The following ATP8A1 variants were observed in gnomAD, a reference collection of about 807,000 sequenced individuals.
The protein encoded by ATP8A1 is ATPase phospholipid transporting 8A1.
ATP8A1 carries 90 observed loss-of-function variants against 177.7 expected under a neutral mutation model. That is an observed-to-expected ratio of 0.51 (90% confidence interval 0.43 to 0.60). ATP8A1 has a LOEUF of 0.60. Ranked by LOEUF, ATP8A1 falls within the 20% of genes least tolerant of loss-of-function variation. The pLI is 0.00. For missense variants in ATP8A1, 1,072 were observed against 1,392.8 expected, an observed-to-expected ratio of 0.77 and a Z score of 3.67; for synonymous variants, 493 against 485.9, an observed-to-expected ratio of 1.01 and a Z score of -0.19.
At position 42,409,527 on chromosome 4, in the gene ATP8A1, G is replaced by A. The variant is rs1175651054; in HGVS notation, c.*3389C>T. 2.0e-5 allele frequency: 3 copies of A among 152,116 alleles called. No individual in the cohort carries two copies. Among genetic ancestry groups the A allele is most frequent in the Non-Finnish European group, 4.4e-5 (3 of 67,982 alleles). The allele number at this position is 152,116 out of a possible 1,614,324, so 9.4% of individuals were successfully genotyped here. ...AAAGAATTCCTGGTCCATGTGATGT[G>A]AATGGGCTGGGCACTTTCTCCATAA... is the stretch of plus-strand genomic sequence containing the variant. On this transcript the variant is annotated 3_prime_UTR_variant, in exon 37 of 37. Transcript: ENST00000381668.
rs1470267855 is a variant in ATP8A1, at chr4:42,412,214, T to C, written c.*702A>G. On this transcript the variant is annotated 3_prime_UTR_variant, in exon 37 of 37. Coordinates refer to ENST00000381668, the MANE Select transcript of ATP8A1 (RefSeq NM_006095.2). The stretch of plus-strand genomic sequence containing the variant: ...AAAGAAGCATTTGTAAGGCCAAAGG[T>C]GCAACATCACCGATTTTAGTAGCAA... The C allele has an allele frequency of 2.6e-5, 4 of 152,184 alleles. No homozygotes were observed. Among genetic ancestry groups the C allele is most frequent in the Non-Finnish European group, 5.9e-5 (4 of 68,042 alleles). The allele number at this position is 152,184 out of a possible 1,614,324, so 9.4% of individuals were successfully genotyped here.
At chr4:42,556,401 T>C (rs1321400626) in intron 15 of ATP8A1, among the ~76,000 whole-genome samples, 1 of 152,194 alleles carries the variant, frequency 6.6e-6, no homozygotes, top group East Asian at 1.9e-4. Context: ...ATTTTTAGGA[T>C]TCTAAGAATT....
chr4:42,555,144 ATC>A (rs1730023691), intron 16 of ATP8A1, among the ~76,000 whole-genome samples: 2 of 57,252 alleles, frequency 3.5e-5, no homozygotes, highest in Non-Finnish European at 7.4e-5. Context: ...TATCTAATCT[ATC>A]TATCTATCTA....
intron 22 of ATP8A1, among the ~76,000 whole-genome samples, chr4:42,509,783 C>T (rs1294020365): frequency 3.6e-5 from 5 of 137,194 alleles, no homozygotes; most frequent in South Asian, 2.3e-4. Flanking sequence ...ACCCAGGAAG[C>T]GGAGCTTGCG....
At chr4:42,525,808 G>A (rs548380810) in intron 20 of ATP8A1, among the ~76,000 whole-genome samples, 1 of 152,260 alleles carries the variant, frequency 6.6e-6, no homozygotes, top group African/African-American at 2.4e-5. Context: ...ATATTTGGAA[G>A]CAGACTAATG....
chr4:42,626,507 T>G (rs1738110479), intron 2 of ATP8A1: 1 of 156,356 alleles, frequency 6.4e-6, no homozygotes, highest in Non-Finnish European at 1.4e-5. Context: ...TTTTACATTA[T>G]TGTTGGAATG....
intron 20 of ATP8A1, 121 bp downstream of exon 20, chr4:42,543,796 A>C: frequency 1.5e-6 from 1 of 671,686 alleles, no homozygotes; most frequent in Non-Finnish European, 2.4e-6. Context: ...TAAAACACCA[A>C]CAAAAGTGGA....
chr4:42,430,809 C>T (rs2153170519), intron 33 of ATP8A1, among the ~76,000 whole-genome samples: 1 of 152,310 alleles, frequency 6.6e-6, no homozygotes, highest in Middle Eastern at 3.4e-3. Context: ...TCAGCTTCCA[C>T]CACCCTGCAG....
chr4:42,556,262 A>C (rs1489967396), intron 15 of ATP8A1: 1 of 363,558 alleles, frequency 2.8e-6, no homozygotes, highest in Non-Finnish European at 4.9e-6. Context: ...TGTAATGAAA[A>C]ATAGTATTTT....
intron 13 of ATP8A1, among the ~76,000 whole-genome samples, chr4:42,575,331 C>T (rs376055514): frequency 2.0e-5 from 3 of 152,258 alleles, no homozygotes; most frequent in Admixed American, 6.5e-5. Flanking sequence ...TCTAAAACTA[C>T]GTTTATAACT....
chr4:42,527,354 G>A (rs971232540), intron 20 of ATP8A1, among the ~76,000 whole-genome samples: 12 of 152,090 alleles, frequency 7.9e-5, no homozygotes, highest in African/African-American at 2.2e-4. Flanking sequence ...GAATGGGGAC[G>A]TGTGGGAGGA....
At chr4:42,614,676 A>G (rs1444607230) in intron 5 of ATP8A1, among the ~76,000 whole-genome samples, 1 of 152,218 alleles carries the variant, frequency 6.6e-6, no homozygotes, top group East Asian at 1.9e-4. Context: ...CTTAGCCTTC[A>G]AGACCCTATA....
intron 22 of ATP8A1, among the ~76,000 whole-genome samples, chr4:42,516,450 C>T (rs1208476039): frequency 2.0e-5 from 3 of 152,002 alleles, no homozygotes; most frequent in Admixed American, 6.5e-5. Context: ...AAATAAAAAT[C>T]TTATCACCAG....
At chr4:42,571,329 G>C (rs1280502801) in intron 14 of ATP8A1, among the ~76,000 whole-genome samples, 3 of 152,096 alleles carry the variant, frequency 2.0e-5, no homozygotes, top group Non-Finnish European at 1.5e-5. Flanking sequence ...CATTTAAAGG[G>C]AAAATGCAAA....
intron 5 of ATP8A1, among the ~76,000 whole-genome samples, chr4:42,608,437 G>A (rs896165718): frequency 3.2e-4 from 48 of 151,012 alleles, no homozygotes; most frequent in Non-Finnish European, 1.6e-4. Flanking sequence ...TCGGCTCACT[G>A]TAACCTCCAC....
chr4:42,585,994 T>C (rs990025806), intron 9 of ATP8A1, among the ~76,000 whole-genome samples: 2 of 152,168 alleles, frequency 1.3e-5, no homozygotes, highest in Non-Finnish European at 2.9e-5. Flanking sequence ...GCCATGCAGA[T>C]TGAATAGTTA....
At chr4:42,427,291 T>C (rs1714736195) in intron 33 of ATP8A1, among the ~76,000 whole-genome samples, 1 of 152,230 alleles carries the variant, frequency 6.6e-6, no homozygotes, top group Non-Finnish European at 1.5e-5. Flanking sequence ...TCTGGGTTAA[T>C]ATCTGACCAG....
intron 25 of ATP8A1, among the ~76,000 whole-genome samples, chr4:42,468,131 A>C (rs542337531): frequency 1.2e-3 from 181 of 152,344 alleles, no homozygotes; most frequent in African/African-American, 4.2e-3. Flanking sequence ...CGCTGGTGGG[A>C]ATGTAAACTA....
intron 24 of ATP8A1, among the ~76,000 whole-genome samples, chr4:42,491,086 G>C (rs1269997126): frequency 6.6e-6 from 1 of 151,942 alleles, no homozygotes; most frequent in Non-Finnish European, 1.5e-5. Context: ...TTAGAATAAA[G>C]AAAATGCTAA....
Sources: allele counts gnomAD v4.1 joint callset (sites outside exome capture counted in the v4.1 genomes callset), GRCh38; gene constraint gnomAD v4.1.1; transcripts MANE v1.5; gene names NCBI Gene and HGNC (gene_info 2026-07-23, HGNC 2026-07-21).